NXPH1: variants seen among roughly 807,000 people sequenced by gnomAD.
NXPH1 encodes neurexophilin 1, also known as neurexophilin-1.
A neutral mutation model predicts 23.7 loss-of-function variants in NXPH1; 5 were observed. The observed-to-expected ratio is 0.21, with a 90% CI of 0.11 to 0.44. The LOEUF (loss-of-function observed/expected upper bound fraction) is 0.44, where lower values mean the gene tolerates loss of function less well. Among genes scored for constraint, NXPH1 ranks in the 20% least tolerant of loss-of-function variants. NXPH1 has a pLI of 0.99. For synonymous variants in NXPH1, 144 were observed against 122.2 expected (o/e 1.18, Z -1.18); for missense variants, 324 against 321.6 (o/e 1.01, Z -0.06).
chr7:8,436,231 A>G (rs942707472), intron 2 of NXPH1, among the ~76,000 whole-genome samples: 3 of 152,208 alleles, frequency 2.0e-5, no homozygotes, highest in African/African-American at 7.2e-5. Context: ...GATGAGACAC[A>G]TAAAGAAGCG....
chr7:8,555,443 T>A (rs1327509918), intron 2 of NXPH1, among the ~76,000 whole-genome samples: 2 of 151,640 alleles, frequency 1.3e-5, no homozygotes, highest in Non-Finnish European at 3.0e-5. Context: ...TGACACAGAC[T>A]GCTGAGTAAA....
chr7:8,484,364 G>A (rs546189177), intron 2 of NXPH1, among the ~76,000 whole-genome samples: 3 of 151,912 alleles, frequency 2.0e-5, no homozygotes, highest in Non-Finnish European at 4.4e-5. Context: ...ACCGTAGCTG[G>A]TCTAGGTCTA....
intron 2 of NXPH1, among the ~76,000 whole-genome samples, chr7:8,527,501 A>T (rs1817882009): frequency 6.6e-6 from 1 of 152,020 alleles, no homozygotes; most frequent in Non-Finnish European, 1.5e-5. Flanking sequence ...TGGCTTTGGC[A>T]AACCCATAGA....
chr7:8,623,192 G>A (rs1562431769), intron 2 of NXPH1, among the ~76,000 whole-genome samples: 1 of 152,148 alleles, frequency 6.6e-6, no homozygotes, highest in Non-Finnish European at 1.5e-5. Context: ...TTGCAGTGCA[G>A]GGCTCTGCAG....
intron 2 of NXPH1, among the ~76,000 whole-genome samples, chr7:8,462,813 C>A (rs1176147143): frequency 1.3e-5 from 2 of 152,172 alleles, no homozygotes; most frequent in Non-Finnish European, 2.9e-5. Flanking sequence ...ACTCTTATCA[C>A]TGTTATTTAT....
intron 2 of NXPH1, among the ~76,000 whole-genome samples, chr7:8,696,777 C>T (rs1042790564): frequency 1.4e-5 from 2 of 143,948 alleles, no homozygotes; most frequent in African/African-American, 5.2e-5. Flanking sequence ...TGAGACGGAG[C>T]TTGCGGTGAG....
chr7:8,567,751 G>A (rs909492181), intron 2 of NXPH1, among the ~76,000 whole-genome samples: 1 of 151,946 alleles, frequency 6.6e-6, no homozygotes, highest in East Asian at 1.9e-4. Flanking sequence ...TGGCTATGTG[G>A]AGTGTGATGT....
intron 2 of NXPH1, among the ~76,000 whole-genome samples, chr7:8,673,201 T>C (rs777764888): frequency 1.3e-5 from 2 of 152,124 alleles, no homozygotes; most frequent in Non-Finnish European, 2.9e-5. Context: ...GGAATATAAA[T>C]TGGCTTTAGA....
intron 2 of NXPH1, among the ~76,000 whole-genome samples, chr7:8,451,637 A>G (rs967244936): frequency 1.3e-5 from 2 of 152,272 alleles, no homozygotes; most frequent in Non-Finnish European, 2.9e-5. Context: ...GGCCAAGGCC[A>G]TACAACTATG....
intron 2 of NXPH1, among the ~76,000 whole-genome samples, chr7:8,627,457 A>G (rs1286071785): frequency 6.6e-6 from 1 of 152,152 alleles, no homozygotes; most frequent in African/African-American, 2.4e-5. Flanking sequence ...CCAAGCCTTC[A>G]ATATTCTAAG....
intron 2 of NXPH1, among the ~76,000 whole-genome samples, chr7:8,582,387 G>C (rs1023016653): frequency 6.6e-6 from 1 of 152,168 alleles, no homozygotes; most frequent in African/African-American, 2.4e-5. Context: ...GAAGAATGAG[G>C]TATGTGCACA....
intron 2 of NXPH1, among the ~76,000 whole-genome samples, chr7:8,748,656 G>T: frequency 6.6e-6 from 1 of 152,142 alleles, no homozygotes; most frequent in East Asian, 1.9e-4. Flanking sequence ...TATTGCCTTG[G>T]GGATCACAGC....
At chr7:8,592,914 G>A (rs1819131112) in intron 2 of NXPH1, among the ~76,000 whole-genome samples, 1 of 151,388 alleles carries the variant, frequency 6.6e-6, no homozygotes, top group Non-Finnish European at 1.5e-5. Flanking sequence ...GCACTGGGCA[G>A]CATTTGGCCC....
Position 8,464,426 on chromosome 7 carries a change from C to A in NXPH1, c.54+28659C>A, listed in dbSNP as rs183243990. On this transcript the variant is annotated intron_variant, in intron 2 of 2. Coordinates refer to ENST00000405863, the MANE Select transcript of NXPH1 (RefSeq NM_152745.3). ...AGTCCAAACTCCTGAGTCAGACATT[C>A]AAAGCATCTTGCAATTTTAATCTTC... 9.8e-3 allele frequency among the ~76,000 whole-genome samples: 1,486 copies of A among 152,276 alleles called. 16 individuals are homozygous for A. The highest frequency in any genetic ancestry group is 0.019 in the South Asian group (94 of 4,822).
chr7:8,599,017 G>A (rs1260295758), intron 2 of NXPH1, among the ~76,000 whole-genome samples: 1 of 152,134 alleles, frequency 6.6e-6, no homozygotes, highest in Non-Finnish European at 1.5e-5. Flanking sequence ...GGGAGAAGGG[G>A]TATAATTGGA....
At chr7:8,540,416 A>G (rs12056057) in intron 2 of NXPH1, among the ~76,000 whole-genome samples, 4,923 of 151,892 alleles carry the variant, frequency 0.032, 255 homozygotes, top group East Asian at 0.16. Flanking sequence ...AAGATAGTGA[A>G]TCCCTGAGAG....
chr7:8,676,212 T>A (rs1820949838), intron 2 of NXPH1, among the ~76,000 whole-genome samples: 1 of 152,182 alleles, frequency 6.6e-6, no homozygotes, highest in African/African-American at 2.4e-5. Flanking sequence ...ACTCCCTACG[T>A]CTAAGATGTG....
intron 2 of NXPH1, among the ~76,000 whole-genome samples, chr7:8,603,005 T>C (rs1819396514): frequency 6.6e-6 from 1 of 152,144 alleles, no homozygotes; most frequent in Admixed American, 6.5e-5. Context: ...GAGACGGGGT[T>C]TTACCATGTC....
At position 8,600,408 on chromosome 7, in the gene NXPH1, GATCT is replaced by G. The variant is rs774892940; in HGVS notation, c.55-150595_55-150592del. Among the ~76,000 whole-genome samples, 23 of 152,244 alleles carry G rather than the reference GATCT, an allele frequency of 1.5e-4. No individual in the cohort carries two copies. The East Asian group carries it at 2.3e-3, about 15-fold the overall frequency. On this transcript the variant is annotated intron_variant, in intron 2 of 2. Coordinates refer to ENST00000405863, the MANE Select transcript of NXPH1 (RefSeq NM_152745.3). ...TCTGGTGGTATTGGCTTCCTTCTCT[GATCT>G]ATCTGTTTAGTGTCAGTTCCCAGGT...
Sources: allele counts gnomAD v4.1 joint callset (sites outside exome capture counted in the v4.1 genomes callset), GRCh38; gene constraint gnomAD v4.1.1; transcripts MANE v1.5; gene names NCBI Gene and HGNC (gene_info 2026-07-23, HGNC 2026-07-21).